CCSER1: variants seen among roughly 807,000 people sequenced by gnomAD.
CCSER1 encodes the protein coiled-coil serine rich protein 1.
Under a neutral mutation model 82.0 loss-of-function variants are expected in CCSER1, and 41 were observed. The ratio of observed to expected loss-of-function variants is 0.50; its 90% CI spans 0.39 to 0.65. The LOEUF (loss-of-function observed/expected upper bound fraction) is 0.65. Among genes scored for constraint, CCSER1 ranks in the 30% least tolerant of loss-of-function variants. The pLI, the probability that CCSER1 is intolerant of heterozygous loss-of-function variation, is 0.00. For synonymous variants in CCSER1, 414 were observed against 383.9 expected (o/e 1.08, Z -0.92); for missense variants, 1,119 against 1,064.2 (o/e 1.05, Z -0.72).
intron 10 of CCSER1, among the ~76,000 whole-genome samples, chr4:91,421,163 A>C (rs1753663143): frequency 1.3e-5 from 2 of 152,182 alleles, no homozygotes; most frequent in African/African-American, 4.8e-5. Context: ...TGTTAGCCAG[A>C]GATGTCCTGT....
chr4:90,842,899 A>G (rs1762748358), intron 8 of CCSER1, among the ~76,000 whole-genome samples: 1 of 152,062 alleles, frequency 6.6e-6, no homozygotes, highest in Non-Finnish European at 1.5e-5. Context: ...AGTTTTTATC[A>G]TGTTTGTAGT....
chr4:91,520,381 G>A (rs1167633072), intron 10 of CCSER1, among the ~76,000 whole-genome samples: 2 of 150,168 alleles, frequency 1.3e-5, no homozygotes, highest in African/African-American at 4.9e-5. Flanking sequence ...CAGGGCAACT[G>A]GCCTGAGACA....
At chr4:91,331,287 C>T (rs1304641462) in intron 10 of CCSER1, among the ~76,000 whole-genome samples, 1 of 152,154 alleles carries the variant, frequency 6.6e-6, no homozygotes, top group African/African-American at 2.4e-5. Flanking sequence ...TTACATCCCA[C>T]TATGGACACT....
intron 7 of CCSER1, among the ~76,000 whole-genome samples, chr4:90,751,309 T>G (rs979281527): frequency 1.3e-5 from 2 of 152,158 alleles, no homozygotes; most frequent in African/African-American, 4.8e-5. Context: ...GTTGAGTAAT[T>G]AGGTTATGTG....
chr4:90,674,046 A>G (rs1398459474), intron 6 of CCSER1, among the ~76,000 whole-genome samples: 1 of 151,934 alleles, frequency 6.6e-6, no homozygotes, highest in Admixed American at 6.6e-5. Flanking sequence ...TTTCAAGGAG[A>G]TGATGTGCAA....
chr4:90,749,354 G>A (rs1252564076), intron 7 of CCSER1, among the ~76,000 whole-genome samples: 1 of 151,590 alleles, frequency 6.6e-6, no homozygotes, highest in Non-Finnish European at 1.5e-5. Context: ...TTGTAGATAT[G>A]CGGCGTTATT....
intron 10 of CCSER1, among the ~76,000 whole-genome samples, chr4:91,088,152 A>T (rs955485009): frequency 2.6e-5 from 4 of 152,086 alleles, no homozygotes; most frequent in African/African-American, 9.7e-5. Context: ...GAAAACTCTT[A>T]CTCCAAATGA....
At chr4:90,720,893 C>A (rs369021458) in intron 6 of CCSER1, among the ~76,000 whole-genome samples, 3 of 151,950 alleles carry the variant, frequency 2.0e-5, no homozygotes, top group East Asian at 1.9e-4. Context: ...TCTTCAATTT[C>A]TCTGCTTTTT....
intron 6 of CCSER1, among the ~76,000 whole-genome samples, chr4:90,652,338 T>C (rs932430734): frequency 5.3e-5 from 8 of 152,214 alleles, no homozygotes. Flanking sequence ...TGATGTCTTT[T>C]ATAATAATGT....
intron 10 of CCSER1, among the ~76,000 whole-genome samples, chr4:91,278,422 CA>C (rs537864201): frequency 1.4e-4 from 21 of 152,228 alleles, no homozygotes; most frequent in African/African-American, 4.8e-4. Flanking sequence ...ATCCTTTAAT[CA>C]TTATATAATG....
chr4:91,192,168 T>C (rs1172113247), intron 10 of CCSER1, among the ~76,000 whole-genome samples: 1 of 152,206 alleles, frequency 6.6e-6, no homozygotes, highest in Non-Finnish European at 1.5e-5. Context: ...TTCCTACCTC[T>C]GACTACTGCC....
intron 10 of CCSER1, among the ~76,000 whole-genome samples, chr4:91,446,026 A>G (rs1159683929): frequency 1.3e-5 from 2 of 152,148 alleles, no homozygotes; most frequent in African/African-American, 4.8e-5. Flanking sequence ...AAGAAAAACA[A>G]GTGAATAATT....
chr4:91,090,721 C>T (rs984957670), intron 10 of CCSER1, among the ~76,000 whole-genome samples: 11 of 152,258 alleles, frequency 7.2e-5, no homozygotes, highest in African/African-American at 1.4e-4. Context: ...GCTACATGCT[C>T]GGCTAATTGC....
chr4:91,526,645 C>T (rs1405995123), intron 10 of CCSER1, among the ~76,000 whole-genome samples: 1 of 152,126 alleles, frequency 6.6e-6, no homozygotes, highest in Non-Finnish European at 1.5e-5. Flanking sequence ...GCTCCTATTG[C>T]CCAGGCTGGA....
chr4:91,083,212 C>T (rs1420126041), intron 9 of CCSER1, among the ~76,000 whole-genome samples: 3 of 152,208 alleles, frequency 2.0e-5, no homozygotes, highest in African/African-American at 7.2e-5. Flanking sequence ...ACATATATAC[C>T]ATGGAATACT....
chr4:90,810,200 T>C (rs891078224), intron 7 of CCSER1, among the ~76,000 whole-genome samples: 5 of 152,170 alleles, frequency 3.3e-5, no homozygotes, highest in African/African-American at 1.2e-4. Flanking sequence ...GGGCTCAAGC[T>C]ATCCTCCTTC....
intron 5 of CCSER1, among the ~76,000 whole-genome samples, chr4:90,585,655 C>A (rs1488994407): frequency 6.6e-6 from 1 of 151,872 alleles, no homozygotes; most frequent in Non-Finnish European, 1.5e-5. Context: ...GGTTGAATGA[C>A]TTTTTTTTCA....
At chr4:90,187,683 CT>C (rs1734871603) in intron 1 of CCSER1, among the ~76,000 whole-genome samples, 1 of 151,836 alleles carries the variant, frequency 6.6e-6, no homozygotes, top group South Asian at 2.1e-4. Flanking sequence ...ATTTATAATA[CT>C]TTGGTTCCTC....
At chr4:90,855,119 A>G (rs1182731048) in intron 8 of CCSER1, among the ~76,000 whole-genome samples, 3 of 152,088 alleles carry the variant, frequency 2.0e-5, no homozygotes, top group African/African-American at 7.2e-5. Context: ...GTCACCTCCC[A>G]CCAGGTCCCT....
Sources: allele counts gnomAD v4.1 joint callset (sites outside exome capture counted in the v4.1 genomes callset), GRCh38; gene constraint gnomAD v4.1.1; transcripts MANE v1.5; gene names NCBI Gene and HGNC (gene_info 2026-07-23, HGNC 2026-07-21).